SLC10A7: variants seen among roughly 807,000 people sequenced by gnomAD.
SLC10A7 encodes the protein solute carrier family 10 member 7, also known as sodium/bile acid cotransporter 7.
SLC10A7 carries 29 observed loss-of-function variants against 43.2 expected under a neutral mutation model. The ratio of observed to expected loss-of-function variants is 0.67; its 90% CI spans 0.50 to 0.92. SLC10A7 has a LOEUF of 0.92. SLC10A7 is among the 40% of genes least tolerant of loss of function. The probability of loss-of-function intolerance (pLI) is 0.00; values close to 1 mark genes in which losing one functional copy is unlikely to be tolerated. For synonymous variants in SLC10A7, 152 were observed against 144.8 expected (o/e 1.05, Z -0.35); for missense variants, 295 against 403.2 (o/e 0.73, Z 2.30).
chr4:146,445,920 TGCGCACGC>T lies in SLC10A7; in HGVS notation c.397-3107_397-3100del, dbSNP rs1183786590. Among the ~76,000 whole-genome samples the T allele has an allele frequency of 2.0e-5, 3 of 147,744 alleles. No homozygotes were observed. The East Asian group carries it at 6.1e-4, about 30-fold the overall frequency. On this transcript the variant is annotated intron_variant, in intron 4 of 11. Coordinates refer to ENST00000335472, the MANE Select transcript of SLC10A7 (RefSeq NM_001029998.6). ...GTGTGTGTGTGTGTGTGTGTGCACG[TGCGCACGC>T]GCGTGCACGGGAGTCCCCTGAGTCT...
At chr4:146,502,053 A>G (rs1276677863) in intron 4 of SLC10A7, among the ~76,000 whole-genome samples, 1 of 152,248 alleles carries the variant, frequency 6.6e-6, no homozygotes, top group Non-Finnish European at 1.5e-5. Flanking sequence ...ATGCTCATCA[A>G]TAAGTAAACA....
chr4:146,301,052 C>CATACAT (rs1301610041), intron 7 of SLC10A7, among the ~76,000 whole-genome samples: 1 of 152,176 alleles, frequency 6.6e-6, no homozygotes, highest in African/African-American at 2.4e-5. Flanking sequence ...AGATTAAGTA[C>CATACAT]ATGCATATGT....
At chr4:146,374,891 T>C (rs1737074816) in intron 5 of SLC10A7, among the ~76,000 whole-genome samples, 1 of 152,154 alleles carries the variant, frequency 6.6e-6, no homozygotes, top group African/African-American at 2.4e-5. Flanking sequence ...AGAGACCATC[T>C]GTTTCTAATA....
chr4:146,395,020 A>G (rs921240331), intron 5 of SLC10A7, among the ~76,000 whole-genome samples: 1 of 151,296 alleles, frequency 6.6e-6, no homozygotes, highest in Non-Finnish European at 1.5e-5. Flanking sequence ...TCTCCTCTGA[A>G]CTCTCACTCC....
chr4:146,313,979 G>T (rs1474826620), intron 6 of SLC10A7, among the ~76,000 whole-genome samples: 1 of 152,080 alleles, frequency 6.6e-6, no homozygotes, highest in African/African-American at 2.4e-5. Flanking sequence ...AAAAGTAATT[G>T]TGTGCTGATA....
At chr4:146,390,225 T>C (rs1030990259) in intron 5 of SLC10A7, among the ~76,000 whole-genome samples, 2 of 152,174 alleles carry the variant, frequency 1.3e-5, no homozygotes, top group African/African-American at 4.8e-5. Context: ...CAGAAGGCCA[T>C]CATGTTTTAT....
At chr4:146,437,539 T>C (rs1208449937) in intron 5 of SLC10A7, among the ~76,000 whole-genome samples, 1 of 152,088 alleles carries the variant, frequency 6.6e-6, no homozygotes, top group Non-Finnish European at 1.5e-5. Context: ...CATGAACTTT[T>C]GAGGTAAAAC....
intron 4 of SLC10A7, among the ~76,000 whole-genome samples, chr4:146,451,241 A>AAAAC (rs1731572523): frequency 6.7e-6 from 1 of 150,126 alleles, no homozygotes; most frequent in African/African-American, 2.4e-5. Context: ...CAAAAAAAAA[A>AAAAC]AAAAAAAAAC....
chr4:146,406,890 G>A (rs1396222240), intron 5 of SLC10A7, among the ~76,000 whole-genome samples: 1 of 152,164 alleles, frequency 6.6e-6, no homozygotes, highest in East Asian at 1.9e-4. Flanking sequence ...GGCTGAGGCA[G>A]GAGAATCACT....
chr4:146,298,926 T>C (rs1730969166), intron 7 of SLC10A7, among the ~76,000 whole-genome samples: 1 of 151,978 alleles, frequency 6.6e-6, no homozygotes, highest in Non-Finnish European at 1.5e-5. Flanking sequence ...AAACTACACC[T>C]CCCATCAAAT....
chr4:146,393,530 A>T (rs1738599417), intron 5 of SLC10A7, among the ~76,000 whole-genome samples: 1 of 152,238 alleles, frequency 6.6e-6, no homozygotes, highest in African/African-American at 2.4e-5. Context: ...ACCTCCATAA[A>T]GACAGAAAGT....
chr4:146,379,241 T>C (rs1309282694), intron 5 of SLC10A7, among the ~76,000 whole-genome samples: 2 of 152,238 alleles, frequency 1.3e-5, no homozygotes, highest in African/African-American at 4.8e-5. Context: ...TCAGTCTGTT[T>C]CACTGAGGTC....
At chr4:146,375,824 G>T (rs1188376890) in intron 5 of SLC10A7, among the ~76,000 whole-genome samples, 1 of 152,044 alleles carries the variant, frequency 6.6e-6, no homozygotes, top group East Asian at 1.9e-4. Context: ...ATTCTATTCC[G>T]GCACTTGGTG....
At chr4:146,510,166 A>G (rs1737322122) in intron 2 of SLC10A7, 117 bp from the exon 3 acceptor site, 1 of 902,522 alleles carries the variant, frequency 1.1e-6, no homozygotes, top group Non-Finnish European at 1.6e-6. Context: ...TTCATAGCTA[A>G]AATTTTTATC....
At chr4:146,271,732 G>A (rs1404588726) in intron 10 of SLC10A7, among the ~76,000 whole-genome samples, 2 of 151,964 alleles carry the variant, frequency 1.3e-5, no homozygotes, top group Non-Finnish European at 2.9e-5. Context: ...ACCATTCCCC[G>A]GTCTCCTATC....
intron 5 of SLC10A7, among the ~76,000 whole-genome samples, chr4:146,354,363 A>C (rs879518834): frequency 5.3e-4 from 80 of 152,316 alleles, no homozygotes; most frequent in South Asian, 1.2e-3. Flanking sequence ...GGAGAATTAC[A>C]AACCACTGCT....
At chr4:146,462,536 C>T (rs1353521149) in intron 4 of SLC10A7, among the ~76,000 whole-genome samples, 3 of 152,112 alleles carry the variant, frequency 2.0e-5, no homozygotes, top group African/African-American at 7.2e-5. Flanking sequence ...CTTTATTTGA[C>T]TCTAATATGC....
At position 146,391,755 on chromosome 4, in the gene SLC10A7, G is replaced by C. The variant is rs1459782304; in HGVS notation, c.435+51028C>G. 3.3e-5 allele frequency among the ~76,000 whole-genome samples: 5 copies of C among 152,128 alleles called. 1 individual carries two copies. The South Asian group carries it at 1.0e-3, about 32-fold the overall frequency. On this transcript the variant is annotated intron_variant, in intron 5 of 11. Coordinates refer to ENST00000335472, the MANE Select transcript of SLC10A7 (RefSeq NM_001029998.6). ...AATTAGAGCATCTTGCCCTCACAAGGTATACTGCACTGAGAAGGCTGGAGG... is the reference window on the plus strand; with the variant it reads ...AATTAGAGCATCTTGCCCTCACAAGCTATACTGCACTGAGAAGGCTGGAGG...
Position 146,406,847 on chromosome 4 carries a change from G to A in SLC10A7, c.435+35936C>T, listed in dbSNP as rs534555427. Among the ~76,000 whole-genome samples the A allele has an allele frequency of 5.9e-5, 9 of 152,284 alleles. No individual in the cohort carries two copies. In the South Asian group the frequency reaches 1.7e-3, roughly 28 times the overall value. On this transcript the variant is annotated intron_variant, in intron 5 of 11. Coordinates refer to ENST00000335472, the MANE Select transcript of SLC10A7 (RefSeq NM_001029998.6). ...AAAATACAAAAATTAGCTGGGCGTG[G>A]TGGTGGGTGCCTGTAATCCCAGCTA...
Sources: allele counts gnomAD v4.1 joint callset (sites outside exome capture counted in the v4.1 genomes callset), GRCh38; gene constraint gnomAD v4.1.1; transcripts MANE v1.5; gene names NCBI Gene and HGNC (gene_info 2026-07-23, HGNC 2026-07-21).